Variants in DPP6 observed in about 807,000 individuals in gnomAD.
DPP6 encodes A-type potassium channel modulatory protein DPP6.
In DPP6, 69 loss-of-function variants were observed where a neutral mutation model predicts 122.6. That is an observed-to-expected ratio of 0.56 (90% CI 0.46 to 0.69). The LOEUF (loss-of-function observed/expected upper bound fraction) is 0.69. Among genes scored for constraint, DPP6 ranks in the 30% least tolerant of loss-of-function variants. DPP6 has a pLI of 0.00. For missense variants in DPP6, 928 were observed against 1,116.9 expected (o/e 0.83, Z 2.41); for synonymous variants, 418 against 433.1 (o/e 0.97, Z 0.43).
At chr7:154,518,785 A>G (rs1372629019) in intron 3 of DPP6, among the ~76,000 whole-genome samples, 1 of 152,186 alleles carries the variant, frequency 6.6e-6, no homozygotes, top group African/African-American at 2.4e-5. Flanking sequence ...TAATAGGTGA[A>G]CCCAGATATG....
At chr7:154,538,049 A>C (rs1828405976) in intron 3 of DPP6, among the ~76,000 whole-genome samples, 1 of 152,156 alleles carries the variant, frequency 6.6e-6, no homozygotes, top group South Asian at 2.1e-4. Flanking sequence ...TGCAAAAAAA[A>C]ACTAAACAAC....
chr7:154,600,261 G>A (rs947813302), intron 5 of DPP6, among the ~76,000 whole-genome samples: 10 of 123,772 alleles, frequency 8.1e-5, no homozygotes, highest in Non-Finnish European at 1.6e-4. Context: ...CTGAGTAGCT[G>A]GGATTACAGG....
chr7:154,879,192 C>T (rs2150665338), intron 20 of DPP6, among the ~76,000 whole-genome samples: 1 of 152,330 alleles, frequency 6.6e-6, no homozygotes, highest in African/African-American at 2.4e-5. Flanking sequence ...CCTGTAATCC[C>T]AGCACTTTGG....
At chr7:153,882,716 G>A (rs1038961332), upstream of DPP6, among the ~76,000 whole-genome samples, 4 of 152,324 alleles carry the variant, frequency 2.6e-5, no homozygotes, top group Non-Finnish European at 5.9e-5. Flanking sequence ...TCAACACTAG[G>A]CAAAGGTAAA....
chr7:154,289,112 GA>G (rs1805038065), intron 1 of DPP6, among the ~76,000 whole-genome samples: 2 of 152,090 alleles, frequency 1.3e-5, no homozygotes, highest in African/African-American at 4.8e-5. Flanking sequence ...GAAAGAAAGA[GA>G]AAAAAATACC....
At chr7:154,670,876 G>A (rs1201496607) in intron 7 of DPP6, among the ~76,000 whole-genome samples, 11 of 152,208 alleles carry the variant, frequency 7.2e-5, no homozygotes, top group Admixed American at 2.0e-4. Flanking sequence ...AGATCGAGGC[G>A]GTGAAACTAT....
At chr7:154,176,985 C>A (rs148781761) in intron 1 of DPP6, among the ~76,000 whole-genome samples, 1 of 152,066 alleles carries the variant, frequency 6.6e-6, no homozygotes, top group African/African-American at 2.4e-5. Context: ...AGGCACACAC[C>A]ACCACACCTG....
At chr7:154,550,992 T>C (rs2130373382) in intron 4 of DPP6, among the ~76,000 whole-genome samples, 1 of 152,292 alleles carries the variant, frequency 6.6e-6, no homozygotes, top group Admixed American at 6.5e-5. Flanking sequence ...TGGATCCAAG[T>C]TATATTTCTG....
chr7:154,157,474 G>A lies in DPP6; in HGVS notation c.243+104411G>A, dbSNP rs1304738136. On this transcript the variant is annotated intron_variant, in intron 1 of 25. Coordinates refer to ENST00000377770, the MANE Select transcript of DPP6 (RefSeq NM_130797.4). Reference sequence around the variant, plus strand: ...TTTTTCAAAGTAATGTATGCACAACGTGGGTAACACTGACTTTTATTGGCT... The same window carrying A: ...TTTTTCAAAGTAATGTATGCACAACATGGGTAACACTGACTTTTATTGGCT... Among the ~76,000 whole-genome samples, 11 of 152,330 alleles carry A rather than the reference G, an allele frequency of 7.2e-5. No homozygotes were observed. In the East Asian group the frequency reaches 1.4e-3, roughly 19 times the overall value.
intron 1 of DPP6, among the ~76,000 whole-genome samples, chr7:154,007,299 C>G (rs1177474156): frequency 6.6e-6 from 1 of 152,210 alleles, no homozygotes; most frequent in African/African-American, 2.4e-5. Flanking sequence ...GTTATTTGTT[C>G]CTTTCACTTT....
At chr7:154,884,276 A>G (rs1176751380) in intron 21 of DPP6, 1 of 146,154 alleles carries the variant, frequency 6.8e-6, no homozygotes, top group African/African-American at 2.5e-5. Context: ...ACACATACAC[A>G]TACATGCTCA....
intron 4 of DPP6, among the ~76,000 whole-genome samples, chr7:154,541,427 A>G (rs547061939): frequency 6.6e-6 from 1 of 152,326 alleles, no homozygotes; most frequent in East Asian, 1.9e-4. Flanking sequence ...GAGCCACTGT[A>G]CTCGACCCCA....
At chr7:154,862,681 C>T (rs1053335362) in intron 17 of DPP6, among the ~76,000 whole-genome samples, 2 of 152,128 alleles carry the variant, frequency 1.3e-5, no homozygotes, top group African/African-American at 2.4e-5. Flanking sequence ...CCCGCTCATC[C>T]GTGGGCTGGA....
chr7:154,061,329 C>G (rs1456806777), intron 1 of DPP6, among the ~76,000 whole-genome samples: 1 of 148,126 alleles, frequency 6.8e-6, no homozygotes, highest in Non-Finnish European at 1.5e-5. Flanking sequence ...GCTACCCGAT[C>G]TGACAAAGCC....
intron 7 of DPP6, among the ~76,000 whole-genome samples, chr7:154,679,245 A>G (rs1198733207): frequency 6.6e-6 from 1 of 152,100 alleles, no homozygotes; most frequent in Non-Finnish European, 1.5e-5. Context: ...AACAACATCA[A>G]TTTCTACCTC....
At chr7:153,935,247 AG>A (rs1341671763) in intron 1 of DPP6, among the ~76,000 whole-genome samples, 2 of 147,740 alleles carry the variant, frequency 1.4e-5, no homozygotes, top group Non-Finnish European at 3.0e-5. Context: ...ATGCCAGAGA[AG>A]GGGGGGGACG....
chr7:154,080,487 G>A (rs1803910707), intron 1 of DPP6, among the ~76,000 whole-genome samples: 1 of 152,194 alleles, frequency 6.6e-6, no homozygotes, highest in Non-Finnish European at 1.5e-5. Context: ...TGATGTTATT[G>A]CACAAATTAC....
At chr7:154,561,771 C>A (rs1830441004) in intron 4 of DPP6, among the ~76,000 whole-genome samples, 1 of 151,908 alleles carries the variant, frequency 6.6e-6, no homozygotes, top group African/African-American at 2.4e-5. Flanking sequence ...TCAATAAAAT[C>A]AATCAAGAGC....
the DPP6 span, among the ~76,000 whole-genome samples, chr7:153,834,496 C>T: frequency 6.6e-6 from 1 of 152,138 alleles, no homozygotes; most frequent in East Asian, 1.9e-4. Flanking sequence ...CTCCACTTTA[C>T]TTGCTTCTTC....
Sources: allele counts gnomAD v4.1 joint callset (sites outside exome capture counted in the v4.1 genomes callset), GRCh38; gene constraint gnomAD v4.1.1; transcripts MANE v1.5; gene names NCBI Gene and HGNC (gene_info 2026-07-23, HGNC 2026-07-21).